Variants in SNX1 observed in about 807,000 individuals in gnomAD.
SNX1 encodes the protein sorting nexin 1.
Under a neutral mutation model 71.8 loss-of-function variants are expected in SNX1, and 36 were observed. That is an observed-to-expected ratio of 0.50 (90% CI 0.38 to 0.66). The LOEUF (loss-of-function observed/expected upper bound fraction) is 0.66, where lower values mean the gene tolerates loss of function less well. SNX1 is among the 30% of genes least tolerant of loss of function. SNX1 has a pLI of 0.00. For synonymous variants in SNX1, 254 were observed against 240.7 expected (o/e 1.06, Z -0.51); for missense variants, 612 against 646.7 (o/e 0.95, Z 0.58).
At chr15:64,130,411 A>C in intron 10 of SNX1, 90 bp downstream of exon 10, 1 of 1,063,926 alleles carries the variant, frequency 9.4e-7, no homozygotes, top group Non-Finnish European at 1.4e-6. Context: ...CAATCCTCTC[A>C]GCCATCCAAG....
chr15:64,142,199 T>C lies in SNX1; in HGVS notation c.*4581T>C, dbSNP rs2081420835. ...ACAAAAATAAAAACAACTAGCTGGG[T>C]GTGTGGTGGTGCATGCCTGTAGGCC... On this transcript the variant is annotated 3_prime_UTR_variant, in exon 15 of 15. Transcript: ENST00000559844. The C allele has an allele frequency of 6.4e-6, 1 of 155,698 alleles. No homozygotes were observed. Among genetic ancestry groups the C allele is most frequent in the African/African-American group, 2.4e-5 (1 of 41,288 alleles). The allele number at this position is 155,698 out of a possible 1,614,324, so 9.6% of individuals were successfully genotyped here.
At chr15:64,135,783 G>C (rs1423056833) in intron 12 of SNX1, among the ~76,000 whole-genome samples, 1 of 142,918 alleles carries the variant, frequency 7.0e-6, no homozygotes, top group Non-Finnish European at 1.5e-5. Context: ...AAAATTAGAC[G>C]TGATGGCACA....
At chr15:64,136,815 A>G (rs1477360021) in intron 13 of SNX1, 46 bp from the exon 14 acceptor site, 1 of 1,487,172 alleles carries the variant, frequency 6.7e-7, no homozygotes, top group Non-Finnish European at 9.4e-7. Flanking sequence ...TCCCATCGAA[A>G]GGGAAAGCAA....
intron 12 of SNX1, 98 bp from the exon 13 acceptor site, chr15:64,136,232 T>C: frequency 1.1e-6 from 1 of 882,954 alleles, no homozygotes; most frequent in East Asian, 2.4e-5. Context: ...GACATAATGA[T>C]CAATTGAGCC....
intron 1 of SNX1, among the ~76,000 whole-genome samples, chr15:64,102,761 CTTTTTTTTT>C (rs60616312): frequency 1.3e-5 from 1 of 76,408 alleles, no homozygotes; most frequent in Non-Finnish European, 2.3e-5. Flanking sequence ...ACCACGCCTT[CTTTTTTTTT>C]TTTTTTTTTT....
Position 64,131,683 on chromosome 15 carries a change from C to T in SNX1, c.1016-4C>T, listed in dbSNP as rs773380003. The T allele has an allele frequency of 8.7e-6, 14 of 1,613,636 alleles. No individual in the cohort carries two copies. In the Admixed American group the frequency reaches 2.2e-4, roughly 25 times the overall value. The stretch of plus-strand genomic sequence containing the variant: ...AGGCCTCTGCTGTCTTTTCCTCCTT[C>T]CAGAGCTAGCGCTGAACACAGCCCA... On this transcript the variant is annotated splice_polypyrimidine_tract_variant and splice_region_variant and intron_variant, in intron 10 of 14. Transcript: ENST00000559844.
rs898058643 is a variant in SNX1, at chr15:64,100,472, C to T, written c.159+4300C>T. Among the ~76,000 whole-genome samples, 13 of 152,056 alleles carry T rather than the reference C, an allele frequency of 8.5e-5. No individual in the cohort carries two copies. In the East Asian group the frequency reaches 2.5e-3, roughly 29 times the overall value. ...AAAATTAGCCGGGCGTGGTGGCACA[C>T]ACCTGTAATCCCAGCTGCTGTGGAG... On this transcript the variant is annotated intron_variant, in intron 1 of 14. Transcript: ENST00000559844.
rs557619379 is a variant in SNX1, at chr15:64,122,322, TTAA to T, written c.467-1177_467-1175del. On this transcript the variant is annotated intron_variant, in intron 4 of 14. Transcript: ENST00000559844. ...ACATCCTTAGTAGTATTGGGTAATGTTAATAAGGTGGTTTAGAAGAGAACTAAA... is the reference window on the plus strand; with the variant it reads ...ACATCCTTAGTAGTATTGGGTAATGTTAAGGTGGTTTAGAAGAGAACTAAA... 3.6e-3 allele frequency among the ~76,000 whole-genome samples: 548 copies of T among 152,268 alleles called. 5 individuals are homozygous for T. Among genetic ancestry groups the T allele is most frequent in the Non-Finnish European group, 3.8e-3 (260 of 68,020 alleles).
At chr15:64,100,011 C>T (rs1465665525) in intron 1 of SNX1, among the ~76,000 whole-genome samples, 4 of 152,188 alleles carry the variant, frequency 2.6e-5, no homozygotes, top group Admixed American at 2.0e-4. Flanking sequence ...CATGCCCGAC[C>T]GACCTCAATA....
intron 1 of SNX1, among the ~76,000 whole-genome samples, chr15:64,109,490 T>TTTTTGTTTTGTTTTGTTTTG (rs142477216): frequency 3.3e-5 from 5 of 149,710 alleles, no homozygotes; most frequent in African/African-American, 1.2e-4. Flanking sequence ...CTAGTGAAGA[T>TTTTTGTTTTGTTTTGTTTTG]TTTTGTTTTG....
At chr15:64,130,464 A>G (rs980118195) in intron 10 of SNX1, 143 bp downstream of exon 10, 34 of 682,866 alleles carry the variant, frequency 5.0e-5, no homozygotes, top group Non-Finnish European at 7.7e-5. Flanking sequence ...TCTGATAAAA[A>G]AAAGGTATGC....
rs2081310992 is a variant in SNX1 at position 64,131,884 on chromosome 15, A to G, written c.1213A>G (p.Ile405Val). 3.1e-6 allele frequency: 5 copies of G among 1,613,980 alleles called. No individual in the cohort carries two copies. The highest frequency in any genetic ancestry group is 2.7e-5 in the African/African-American group (2 of 74,930). ...GAGTGACTACATTCGCCTCCTGGCC[A>G]TAGTCCGCGTAAGCTTCTGTTTCCT... ...LLSDYIRLLAIVRAAFDQRMK... is the reference protein window; with the variant it reads ...LLSDYIRLLAVVRAAFDQRMK... The change falls in exon 11 of 15, where the codon ATA (isoleucine) becomes GTA (valine). Residue 405 changes from isoleucine (I) to valine (V), a missense_variant. Around this residue, in one of 2 missense-constraint regions of SNX1, gnomAD observed 296 missense variants for 361.9 expected, o/e 0.82. Transcript: ENST00000559844.
intron 1 of SNX1, among the ~76,000 whole-genome samples, chr15:64,109,375 C>T (rs1412558701): frequency 2.0e-5 from 3 of 152,060 alleles, no homozygotes; most frequent in Admixed American, 2.0e-4. Flanking sequence ...AAATGCACAC[C>T]TAAGTAATGC....
chr15:64,130,430 C>T (rs1462539334), intron 10 of SNX1, 109 bp downstream of exon 10: 31 of 854,634 alleles, frequency 3.6e-5, no homozygotes, highest in Non-Finnish European at 5.7e-5. Context: ...AGTTGAAATT[C>T]TCAGCCCACC....
At position 64,142,761 on chromosome 15, in the gene SNX1, C is replaced by T. The variant is rs1436947568; in HGVS notation, c.*5143C>T. 5.5e-5 allele frequency: 25 copies of T among 451,768 alleles called. No individual in the cohort carries two copies. In the Admixed American group the frequency reaches 6.0e-4, roughly 11 times the overall value. 28.0% of individuals were successfully genotyped at this position (451,768 alleles called of 1,614,324 possible). On this transcript the variant is annotated 3_prime_UTR_variant, in exon 15 of 15. Coordinates refer to ENST00000559844, the MANE Select transcript of SNX1 (RefSeq NM_003099.5). ...GGACTGGACTTCGAGCTGGTGTGAT[C>T]CCAGTATTCAGTGTCAGTACTCAGT... is the stretch of plus-strand genomic sequence containing the variant.
intron 13 of SNX1, 68 bp downstream of exon 13, chr15:64,136,478 C>A: frequency 7.4e-7 from 1 of 1,358,690 alleles, no homozygotes; most frequent in South Asian, 1.2e-5. Flanking sequence ...TTGGTGTTGT[C>A]CAACTCTGTT....
At chr15:64,118,487 C>G (rs2081156491) in intron 3 of SNX1, among the ~76,000 whole-genome samples, 1 of 152,224 alleles carries the variant, frequency 6.6e-6, no homozygotes, top group Admixed American at 6.5e-5. Context: ...CTTCCACATT[C>G]AGGAGTATAG....
Position 64,142,570 on chromosome 15 carries a change from G to A in SNX1, c.*4952G>A, listed in dbSNP as rs2081425922. The stretch of plus-strand genomic sequence containing the variant: ...TGAGGCCACAGGAAAGAATCTGTAG[G>A]TGGAGGGGAGGCCGAAGAGGGGAAG... On this transcript the variant is annotated 3_prime_UTR_variant, in exon 15 of 15. Coordinates refer to ENST00000559844, the MANE Select transcript of SNX1 (RefSeq NM_003099.5). 4.4e-6 allele frequency: 2 copies of A among 453,682 alleles called. No individual in the cohort carries two copies. Among genetic ancestry groups the A allele is most frequent in the South Asian group, 3.1e-5 (2 of 64,294 alleles). 28.1% of individuals were successfully genotyped at this position (453,682 alleles called of 1,614,324 possible). A position where few individuals can be genotyped will look rare whatever the true frequency, so the allele number is the denominator to read the frequency against.
intron 1 of SNX1, among the ~76,000 whole-genome samples, chr15:64,110,665 G>A (rs974043408): frequency 6.6e-6 from 1 of 152,210 alleles, no homozygotes; most frequent in Non-Finnish European, 1.5e-5. Context: ...GCCTCCCAAA[G>A]TGGTGGGATT....
Sources: gnomAD v4.1 joint callset for allele counts (sites outside exome capture counted in the v4.1 genomes callset) on GRCh38, gnomAD v4.1.1 for gene constraint, gnomAD v4.1.1 regional missense constraint, MANE v1.5 for transcripts, NCBI Gene and HGNC (gene_info 2026-07-23, HGNC 2026-07-21) for gene names.